DLGAP2: variants seen among roughly 807,000 people sequenced by gnomAD.
DLGAP2 encodes disks large-associated protein 2.
Under a neutral mutation model 100.3 loss-of-function variants are expected in DLGAP2, and 26 were observed. That is an observed-to-expected ratio of 0.26 (90% CI 0.19 to 0.36). The LOEUF (loss-of-function observed/expected upper bound fraction) is 0.36, where lower values mean the gene tolerates loss of function less well. Among genes scored for constraint, DLGAP2 ranks in the 10% least tolerant of loss-of-function variants. The pLI, the probability that DLGAP2 is intolerant of heterozygous loss-of-function variation, is 1.00. For synonymous variants in DLGAP2, 886 were observed against 630.1 expected (o/e 1.41, Z -6.08); for missense variants, 1,858 against 1,453.2 (o/e 1.28, Z -4.53).
chr8:1,005,730 A>C (rs192384601), intron 2 of DLGAP2, among the ~76,000 whole-genome samples: 1 of 152,090 alleles, frequency 6.6e-6, no homozygotes, highest in Non-Finnish European at 1.5e-5. Flanking sequence ...CTACATCCCC[A>C]GTGTTTAAGC....
At chr8:848,983 C>A (rs1337132356) in intron 1 of DLGAP2, among the ~76,000 whole-genome samples, 1 of 149,758 alleles carries the variant, frequency 6.7e-6, no homozygotes, top group Non-Finnish European at 1.5e-5. Context: ...CGTGAGGTGC[C>A]TGTTCCAGCA....
rs535413449 is a variant in DLGAP2, at chr8:1,352,042, C to T, written c.106+93159C>T. Reference sequence around the variant, plus strand: ...CCTGACTGTGTGTGGAAAGGCCGTGCGGGTCCTGAGTGTGTGTGGAACGGC... The same window carrying T: ...CCTGACTGTGTGTGGAAAGGCCGTGTGGGTCCTGAGTGTGTGTGGAACGGC... On this transcript the variant is annotated intron_variant, in intron 3 of 14. Transcript: ENST00000637795. 2.3e-3 allele frequency among the ~76,000 whole-genome samples: 141 copies of T among 62,650 alleles called. 15 individuals are homozygous for T. The highest frequency in any genetic ancestry group is 6.3e-3 in the African/African-American group (134 of 21,204). The allele number at this position is 62,650 out of a possible 152,430, so 41.1% of individuals were successfully genotyped here.
At chr8:877,942 A>G (rs2128992768) in intron 1 of DLGAP2, among the ~76,000 whole-genome samples, 1 of 152,316 alleles carries the variant, frequency 6.6e-6, no homozygotes, top group South Asian at 2.1e-4. Context: ...GATAGGAGAG[A>G]GCAGACTTGG....
chr8:1,309,488 GT>G (rs1563074963), intron 3 of DLGAP2, among the ~76,000 whole-genome samples: 16 of 152,264 alleles, frequency 1.1e-4, no homozygotes, highest in Middle Eastern at 3.4e-3. Context: ...ATTTTAAGAA[GT>G]TTATAGTCAG....
chr8:1,490,900 G>A (rs1230012377), intron 3 of DLGAP2, among the ~76,000 whole-genome samples: 2 of 151,054 alleles, frequency 1.3e-5, no homozygotes, highest in Non-Finnish European at 3.0e-5. Flanking sequence ...GGGAGGGATA[G>A]CATTAGGAGA....
intron 3 of DLGAP2, among the ~76,000 whole-genome samples, chr8:1,316,651 C>G (rs1800758370): frequency 7.0e-6 from 1 of 143,290 alleles, no homozygotes; most frequent in Admixed American, 7.0e-5. Context: ...CAACAGTGGT[C>G]TACACTCGAG....
chr8:1,054,325 T>C (rs1802814528), intron 2 of DLGAP2, among the ~76,000 whole-genome samples: 1 of 152,124 alleles, frequency 6.6e-6, no homozygotes, highest in Non-Finnish European at 1.5e-5. Context: ...CGCAGTCATG[T>C]CTATGCTCAA....
Position 1,007,119 on chromosome 8 carries a change from AG to A in DLGAP2, c.73+99154del, listed in dbSNP as rs556119765. On this transcript the variant is annotated intron_variant, in intron 2 of 14. Coordinates refer to ENST00000637795, the MANE Select transcript of DLGAP2 (RefSeq NM_001346810.2). ...CATGTCGGGGACGCCGTGTGTCTGA[AG>A]TCTCAGGATATGGTCCTTTATCACG... is the stretch of plus-strand genomic sequence containing the variant. 3.3e-5 allele frequency among the ~76,000 whole-genome samples: 5 copies of A among 151,622 alleles called. No individual in the cohort carries two copies. In the South Asian group the frequency reaches 1.0e-3, roughly 32 times the overall value.
intron 1 of DLGAP2, among the ~76,000 whole-genome samples, chr8:782,817 G>A (rs1336161947): frequency 6.6e-6 from 1 of 152,142 alleles, no homozygotes; most frequent in Non-Finnish European, 1.5e-5. Context: ...ACCACTCACT[G>A]AGACCTCGTC....
intron 3 of DLGAP2, among the ~76,000 whole-genome samples, chr8:1,326,364 C>G (rs995423375): frequency 6.6e-6 from 1 of 152,208 alleles, no homozygotes; most frequent in South Asian, 2.1e-4. Flanking sequence ...AATATCACTT[C>G]ACAGTGTACC....
At chr8:1,586,899 A>G (rs1283428530) in intron 6 of DLGAP2, among the ~76,000 whole-genome samples, 1 of 152,168 alleles carries the variant, frequency 6.6e-6, no homozygotes, top group Non-Finnish European at 1.5e-5. Context: ...GCTCCCTCTG[A>G]AGCTTTTATG....
chr8:811,185 CAA>C (rs1300735585), intron 1 of DLGAP2, among the ~76,000 whole-genome samples: 1 of 152,254 alleles, frequency 6.6e-6, no homozygotes, highest in East Asian at 1.9e-4. Flanking sequence ...TAACCTGATT[CAA>C]GTCTGTGAAA....
chr8:1,298,752 T>C (rs539599010), intron 3 of DLGAP2, among the ~76,000 whole-genome samples: 9 of 152,334 alleles, frequency 5.9e-5, no homozygotes, highest in African/African-American at 1.4e-4. Context: ...CAATCCCTTA[T>C]AAAAACTTTA....
chr8:1,578,088 T>C (rs377565452), intron 6 of DLGAP2, among the ~76,000 whole-genome samples: 1 of 152,254 alleles, frequency 6.6e-6, no homozygotes, highest in African/African-American at 2.4e-5. Flanking sequence ...TTGAAAGTAA[T>C]TGGATACAGT....
chr8:1,158,358 G>T (rs1208030878), intron 2 of DLGAP2, among the ~76,000 whole-genome samples: 2 of 152,212 alleles, frequency 1.3e-5, no homozygotes, highest in African/African-American at 2.4e-5. Context: ...ATGTACATAT[G>T]TAATCTAATT....
chr8:1,214,313 GC>G (rs1563258118), intron 2 of DLGAP2, among the ~76,000 whole-genome samples: 2 of 152,180 alleles, frequency 1.3e-5, no homozygotes, highest in African/African-American at 4.8e-5. Flanking sequence ...ACTACCTGCG[GC>G]CCCGCCACTC....
chr8:830,540 C>A (rs542041097), intron 1 of DLGAP2, among the ~76,000 whole-genome samples: 9 of 152,214 alleles, frequency 5.9e-5, no homozygotes, highest in South Asian at 4.1e-4. Context: ...CTTTTAAATT[C>A]TTGGTATAGT....
chr8:860,352 A>G (rs1231928742), intron 1 of DLGAP2, among the ~76,000 whole-genome samples: 1 of 152,212 alleles, frequency 6.6e-6, no homozygotes, highest in East Asian at 1.9e-4. Context: ...CGAATAGCAG[A>G]GCTTCTGACC....
At chr8:1,064,747 T>G (rs1803193286) in intron 2 of DLGAP2, among the ~76,000 whole-genome samples, 2 of 152,198 alleles carry the variant, frequency 1.3e-5, no homozygotes, top group Admixed American at 1.3e-4. Flanking sequence ...ATATAACATT[T>G]TAAGTGAGTA....
Sources: gnomAD v4.1 joint callset for allele counts (sites outside exome capture counted in the v4.1 genomes callset) on GRCh38, gnomAD v4.1.1 for gene constraint, MANE v1.5 for transcripts, NCBI Gene and HGNC (gene_info 2026-07-23, HGNC 2026-07-21) for gene names.